The following GLDC variants were observed in gnomAD, a reference collection of about 807,000 sequenced individuals.
GLDC encodes glycine decarboxylase.
A neutral mutation model predicts 121.3 loss-of-function variants in GLDC; 104 were observed. The observed-to-expected ratio is 0.86, with a 90% CI of 0.73 to 1.01. The LOEUF (loss-of-function observed/expected upper bound fraction) is 1.01, where lower values mean the gene tolerates loss of function less well. Among genes scored for constraint, GLDC ranks in the 50% least tolerant of loss-of-function variants. The pLI is 0.00. For synonymous variants in GLDC, 546 were observed against 480.6 expected (o/e 1.14, Z -1.78); for missense variants, 1,429 against 1,306.6 (o/e 1.09, Z -1.44).
chr9:6,543,999 T>A (rs534454093), intron 21 of GLDC, among the ~76,000 whole-genome samples: 2 of 151,598 alleles, frequency 1.3e-5, no homozygotes, highest in East Asian at 3.9e-4. Context: ...AATATGGGAG[T>A]GTGCTGTGAA....
chr9:6,585,480 C>A (rs1818250381), intron 15 of GLDC, among the ~76,000 whole-genome samples: 1 of 151,936 alleles, frequency 6.6e-6, no homozygotes, highest in Non-Finnish European at 1.5e-5. Flanking sequence ...CAGCTCCTAC[C>A]TATTTATGAA....
chr9:6,592,779 A>T, intron 10 of GLDC, 72 bp downstream of exon 10: 1 of 1,418,706 alleles, frequency 7.0e-7, no homozygotes, highest in East Asian at 2.3e-5. Context: ...TTAAAAACAA[A>T]GAGAAAACCT....
chr9:6,552,999 A>G lies in GLDC; in HGVS notation c.2457+369T>C, dbSNP rs962985203. On this transcript the variant is annotated intron_variant, in intron 20 of 24. Coordinates refer to ENST00000321612, the MANE Select transcript of GLDC (RefSeq NM_000170.3). ...CTCAGCAAAGTGGAATAATTAGTAC[A>G]TGCACTGCTTTTCACTCGGAAGGGG... 3.3e-5 allele frequency among the ~76,000 whole-genome samples: 5 copies of G among 152,238 alleles called. No individual in the cohort carries two copies. In the South Asian group the frequency reaches 8.3e-4, roughly 25 times the overall value.
Position 6,604,526 on chromosome 9 carries a change from G to A in GLDC, c.1058+62C>T, listed in dbSNP as rs1458488237. On this transcript the variant is annotated intron_variant, in intron 7 of 24. Transcript: ENST00000321612. ...AATTCAGATAGAAATCAACATTTGT[G>A]ATCAGAAGAAATCAGGGAAATCATA... 6 of 1,422,998 alleles carry A rather than the reference G, an allele frequency of 4.2e-6. No homozygotes were observed. In the South Asian group the frequency reaches 4.6e-5, roughly 11 times the overall value. 88.1% of individuals were successfully genotyped at this position (1,422,998 alleles called of 1,614,324 possible).
In GLDC at chr9:6,547,075, C is replaced by T. The variant is rs4629926; in HGVS notation, c.2569+3728G>A. Among the ~76,000 whole-genome samples the T allele has an allele frequency of 9.7e-3, 1,480 of 152,198 alleles. 25 individuals carry two copies. Among genetic ancestry groups the T allele is most frequent in the African/African-American group, 0.034 (1,404 of 41,516 alleles). ...GGTACTATATATTAAATGTAAGTGT[C>T]ATACTTTTAGACAACCCGCCTCAGC... On this transcript the variant is annotated intron_variant, in intron 21 of 24. Coordinates refer to ENST00000321612, the MANE Select transcript of GLDC (RefSeq NM_000170.3).
At position 6,534,742 on chromosome 9, in the gene GLDC, C is replaced by G. The variant is rs1452327155; in HGVS notation, c.2885G>C (p.Arg962Pro). The change falls in exon 24 of 25, where the codon CGG becomes CCG. Residue 962 changes from arginine to proline, a missense_variant. Physicochemically the swap from Arg to Pro is moderately radical, Grantham distance 103. Coordinates refer to ENST00000321612, the MANE Select transcript of GLDC (RefSeq NM_000170.3). ...TGCTGCCACCTCTCTGGAATAAGGC[C>G]GGTCCCAGTGGGAAGATGTAACGCA... is the stretch of plus-strand genomic sequence containing the variant. ...LTCVTSSHWD[R>P]PYSREVAAFP... 2.9e-5 allele frequency: 47 copies of G among 1,607,418 alleles called. No individual in the cohort carries two copies. The highest frequency in any genetic ancestry group is 4.0e-5 in the Non-Finnish European group (47 of 1,174,020).
chr9:6,579,779 T>G (rs1189684049), intron 15 of GLDC, among the ~76,000 whole-genome samples: 1 of 152,242 alleles, frequency 6.6e-6, no homozygotes, highest in Non-Finnish European at 1.5e-5. Flanking sequence ...CTCACGCCAG[T>G]GCCTATAACG....
chr9:6,643,773 C>CCTGT (rs1379274983), intron 2 of GLDC, among the ~76,000 whole-genome samples: 1 of 151,850 alleles, frequency 6.6e-6, no homozygotes, highest in African/African-American at 2.4e-5. Context: ...GTGACTCGTG[C>CCTGT]CTGTAATCCC....
intron 10 of GLDC, 51 bp downstream of exon 10, chr9:6,592,800 A>G: frequency 6.5e-7 from 1 of 1,548,480 alleles, no homozygotes; most frequent in South Asian, 1.1e-5. Context: ...TTTAATGAGA[A>G]ACAATGTGAA....
chr9:6,567,651 C>G (rs191541362), intron 15 of GLDC, among the ~76,000 whole-genome samples: 3 of 152,332 alleles, frequency 2.0e-5, no homozygotes, highest in South Asian at 4.1e-4. Flanking sequence ...TCCAAGAACA[C>G]TGACATAAAA....
chr9:6,577,433 A>G (rs1054279977), intron 15 of GLDC, among the ~76,000 whole-genome samples: 1 of 152,214 alleles, frequency 6.6e-6, no homozygotes, highest in African/African-American at 2.4e-5. Flanking sequence ...CCATCAGCTG[A>G]TGGAGGAACC....
At position 6,604,621 on chromosome 9, in the gene GLDC, C is replaced by T. The variant is rs1161195341; in HGVS notation, c.1025G>A (p.Arg342Lys). ...AFFAVRESLV[R>K]MMPGRMVGVT... is the part of the protein sequence containing the mutation. ...CCCCACCATTCTTCCAGGCATCATT[C>T]TCACCAAGCTTTCTCGGACAGCAAA... The change falls in exon 7 of 25, where the codon AGA becomes AAA. Residue 342 changes from arginine to lysine, a missense_variant. Arg to Lys is a conservative substitution (Grantham distance 26). Coordinates refer to ENST00000321612, the MANE Select transcript of GLDC (RefSeq NM_000170.3). 6.2e-7 allele frequency: 1 copy of T among 1,613,126 alleles called. No homozygotes were observed. The highest frequency in any genetic ancestry group is 2.2e-5 in the East Asian group (1 of 44,900).
At chr9:6,623,776 A>G (rs751952324) in intron 2 of GLDC, among the ~76,000 whole-genome samples, 2 of 152,240 alleles carry the variant, frequency 1.3e-5, no homozygotes, top group African/African-American at 2.4e-5. Context: ...TAAAAATGCA[A>G]TAAACCCACA....
At chr9:6,539,230 C>G (rs1053894725) in intron 22 of GLDC, among the ~76,000 whole-genome samples, 18 of 152,110 alleles carry the variant, frequency 1.2e-4, no homozygotes, top group African/African-American at 3.6e-4. Flanking sequence ...GTAATCCCAG[C>G]ACTTTCGGAG....
intron 15 of GLDC, chr9:6,569,131 T>C (rs1421108118): frequency 1.3e-5 from 2 of 151,828 alleles, no homozygotes; most frequent in African/African-American, 4.8e-5. Context: ...TATCAGTGTA[T>C]CATCACAGGT....
chr9:6,568,506 C>G (rs1258018931), intron 15 of GLDC, among the ~76,000 whole-genome samples: 1 of 152,160 alleles, frequency 6.6e-6, no homozygotes, highest in Non-Finnish European at 1.5e-5. Context: ...CGGGGAGCCT[C>G]AGAAACACCA....
At chr9:6,622,583 G>C (rs1406188642) in intron 2 of GLDC, among the ~76,000 whole-genome samples, 2 of 145,832 alleles carry the variant, frequency 1.4e-5, no homozygotes, top group Admixed American at 1.4e-4. Context: ...GCGTGATCTC[G>C]GCTCGCTACA....
chr9:6,574,155 G>C (rs1818017402), intron 15 of GLDC, among the ~76,000 whole-genome samples: 1 of 144,440 alleles, frequency 6.9e-6, no homozygotes. Flanking sequence ...TGGTTCTCAC[G>C]CTCAGTCTAG....
chr9:6,630,027 C>G (rs976332141), intron 2 of GLDC, among the ~76,000 whole-genome samples: 3 of 145,464 alleles, frequency 2.1e-5, no homozygotes, highest in East Asian at 4.0e-4. Context: ...TGAACTCAAG[C>G]AATCTTCCAG....
Sources: gnomAD v4.1 joint callset for allele counts (sites outside exome capture counted in the v4.1 genomes callset) on GRCh38, gnomAD v4.1.1 for gene constraint, MANE v1.5 for transcripts, NCBI Gene and HGNC (gene_info 2026-07-23, HGNC 2026-07-21) for gene names.